CEP128: variants seen among roughly 807,000 people sequenced by gnomAD.
The protein encoded by CEP128 is centrosomal protein 128.
A neutral mutation model predicts 156.7 loss-of-function variants in CEP128; 132 were observed. The observed-to-expected ratio is 0.84, with a 90% CI of 0.73 to 0.97. The LOEUF is 0.97. Among genes scored for constraint, CEP128 ranks in the 50% least tolerant of loss-of-function variants. CEP128 has a pLI of 0.00. For missense variants in CEP128, 1,252 were observed against 1,281.9 expected (o/e 0.98, Z 0.36); for synonymous variants, 469 against 448.9 (o/e 1.04, Z -0.57).
At chr14:80,552,192 C>T (rs1429173406) in intron 21 of CEP128, among the ~76,000 whole-genome samples, 3 of 151,908 alleles carry the variant, frequency 2.0e-5, no homozygotes, top group Non-Finnish European at 4.4e-5. Context: ...ACCTGTAATC[C>T]CAGCTACTTG....
intron 10 of CEP128, among the ~76,000 whole-genome samples, chr14:80,838,652 AT>A (rs1258815965): frequency 6.6e-6 from 1 of 152,052 alleles, no homozygotes; most frequent in Non-Finnish European, 1.5e-5. Context: ...TTCTAAGGCA[AT>A]TTTTTTCTTT....
chr14:80,507,149 T>C (rs1888016652), intron 23 of CEP128, among the ~76,000 whole-genome samples: 1 of 151,856 alleles, frequency 6.6e-6, no homozygotes, highest in Admixed American at 6.6e-5. Context: ...CATGCCTGTA[T>C]AGCCTGCAGA....
At chr14:80,504,868 T>C in intron 24 of CEP128, 44 bp downstream of exon 24, 1 of 1,070,618 alleles carries the variant, frequency 9.3e-7, no homozygotes, top group Non-Finnish European at 1.4e-6. Context: ...TGTTGCATTT[T>C]CTTAAATCTA....
chr14:80,635,112 C>T (rs1213888616), intron 19 of CEP128, among the ~76,000 whole-genome samples: 1 of 152,208 alleles, frequency 6.6e-6, no homozygotes, highest in African/African-American at 2.4e-5. Context: ...CCTGCTCGTT[C>T]TAGCTACCTA....
chr14:80,706,672 T>C (rs1324035097), intron 19 of CEP128, among the ~76,000 whole-genome samples: 1 of 152,116 alleles, frequency 6.6e-6, no homozygotes, highest in African/African-American at 2.4e-5. Flanking sequence ...TGATCTCTAG[T>C]TTTGTGTCTT....
intron 8 of CEP128, 29 bp downstream of exon 8, chr14:80,895,689 A>G (rs1889312516): frequency 6.7e-7 from 1 of 1,482,290 alleles, no homozygotes; most frequent in African/African-American, 1.4e-5. Context: ...CATGTGAAAT[A>G]AAACTTTTTA....
intron 23 of CEP128, among the ~76,000 whole-genome samples, chr14:80,522,146 T>A (rs1275736638): frequency 6.6e-6 from 1 of 152,182 alleles, no homozygotes; most frequent in African/African-American, 2.4e-5. Context: ...ATATTTACAG[T>A]CATTAAAATA....
At chr14:80,745,080 C>T (rs535459921) in intron 18 of CEP128, among the ~76,000 whole-genome samples, 15 of 152,250 alleles carry the variant, frequency 9.9e-5, no homozygotes, top group East Asian at 3.9e-4. Flanking sequence ...TAATTTCCAA[C>T]GTTGTGGGAG....
chr14:80,661,395 G>A (rs957838471), intron 19 of CEP128, among the ~76,000 whole-genome samples: 2 of 152,138 alleles, frequency 1.3e-5, no homozygotes, highest in Non-Finnish European at 2.9e-5. Context: ...AGATACAGGA[G>A]GTCCTGGCAA....
intron 12 of CEP128, among the ~76,000 whole-genome samples, chr14:80,835,884 CACTT>C (rs1156990739): frequency 4.6e-5 from 7 of 152,166 alleles, no homozygotes; most frequent in African/African-American, 1.7e-4. Context: ...GACTGGTACA[CACTT>C]ACACATATGC....
chr14:80,760,581 G>A (rs1056221884), intron 17 of CEP128, among the ~76,000 whole-genome samples: 1 of 152,036 alleles, frequency 6.6e-6, no homozygotes, highest in Non-Finnish European at 1.5e-5. Flanking sequence ...ATCACAATGT[G>A]AATGCCATCA....
At chr14:80,672,266 T>A (rs1171515137) in intron 19 of CEP128, among the ~76,000 whole-genome samples, 1 of 151,260 alleles carries the variant, frequency 6.6e-6, no homozygotes, top group Non-Finnish European at 1.5e-5. Context: ...CTCTCTGAAA[T>A]TTACATTATC....
intron 9 of CEP128, among the ~76,000 whole-genome samples, chr14:80,844,497 A>G (rs1042105996): frequency 3.3e-5 from 5 of 152,144 alleles, no homozygotes; most frequent in Non-Finnish European, 5.9e-5. Context: ...GAAATTCAAA[A>G]AACTTGGTAT....
rs1266251696 is a variant in CEP128, at chr14:80,649,916, T to C, written c.2807-69493A>G. 2.6e-5 allele frequency among the ~76,000 whole-genome samples: 4 copies of C among 152,152 alleles called. 1 individual carries two copies. The East Asian group carries it at 7.7e-4, about 29-fold the overall frequency. On this transcript the variant is annotated intron_variant, in intron 19 of 24. Transcript: ENST00000555265. Reference sequence around the variant, plus strand: ...CTATGTGGGCTCCTTTATGATTCCATATGAAATTTGAAGTAGTTTTTTCTA... The same window carrying C: ...CTATGTGGGCTCCTTTATGATTCCACATGAAATTTGAAGTAGTTTTTTCTA...
At chr14:80,821,857 AAAAG>A in intron 13 of CEP128, among the ~76,000 whole-genome samples, 1 of 152,196 alleles carries the variant, frequency 6.6e-6, no homozygotes, top group Admixed American at 6.5e-5. Flanking sequence ...CGCAATTTAC[AAAAG>A]AAAGAGGTTT....
At chr14:80,678,049 A>AATATAT (rs1555390205) in intron 19 of CEP128, among the ~76,000 whole-genome samples, 4 of 98,498 alleles carry the variant, frequency 4.1e-5, no homozygotes, top group African/African-American at 1.3e-4. Context: ...ATAAAAAAAA[A>AATATAT]ATATATATAT....
At position 80,822,526 on chromosome 14, in the gene CEP128, G is replaced by A. The variant is rs990815800; in HGVS notation, c.1209+8617C>T. On this transcript the variant is annotated intron_variant, in intron 13 of 24. Coordinates refer to ENST00000555265, the MANE Select transcript of CEP128 (RefSeq NM_152446.5). ...ACCACCTACATCCTGCCGCCACCAT[G>A]CCCAAGAGAAAGGCTGAAGGGGATG... 4.6e-6 allele frequency: 3 copies of A among 650,426 alleles called. No homozygotes were observed. In the African/African-American group the frequency reaches 5.4e-5, roughly 12 times the overall value. 40.3% of individuals were successfully genotyped at this position (650,426 alleles called of 1,614,324 possible).
chr14:80,751,779 G>A lies in CEP128; in HGVS notation c.2613+5113C>T, dbSNP rs138398207. 1.4e-3 allele frequency among the ~76,000 whole-genome samples: 208 copies of A among 152,022 alleles called. 2 individuals carry two copies. Among genetic ancestry groups the A allele is most frequent in the African/African-American group, 4.4e-3 (184 of 41,478 alleles). ...GAAGTAGCTGGGATTACAGGCTCCC[G>A]CTACCACGCCTGGCTAATTTTTGTA... is the stretch of plus-strand genomic sequence containing the variant. On this transcript the variant is annotated intron_variant, in intron 18 of 24. Coordinates refer to ENST00000555265, the MANE Select transcript of CEP128 (RefSeq NM_152446.5).
chr14:80,793,929 C>T (rs1044026846), intron 13 of CEP128, among the ~76,000 whole-genome samples: 1 of 152,082 alleles, frequency 6.6e-6, no homozygotes, highest in African/African-American at 2.4e-5. Context: ...TAATCATTAA[C>T]ATTAAGCCAT....
Sources: allele counts gnomAD v4.1 joint callset (sites outside exome capture counted in the v4.1 genomes callset), GRCh38; gene constraint gnomAD v4.1.1; transcripts MANE v1.5; gene names NCBI Gene and HGNC (gene_info 2026-07-23, HGNC 2026-07-21).